The following ATF7IP variants were observed in gnomAD, a reference collection of about 807,000 sequenced individuals.
ATF7IP encodes the protein activating transcription factor 7-interacting protein 1.
ATF7IP carries 23 observed loss-of-function variants against 106.4 expected under a neutral mutation model. The ratio of observed to expected loss-of-function variants is 0.22; its 90% CI spans 0.16 to 0.31. The LOEUF (loss-of-function observed/expected upper bound fraction) is 0.31. ATF7IP is among the 10% of genes least tolerant of loss of function. ATF7IP has a pLI of 1.00. For synonymous variants in ATF7IP, 542 were observed against 539.0 expected, an observed-to-expected ratio of 1.01 and a Z score of -0.08; for missense variants, 1,334 against 1,524.3, an observed-to-expected ratio of 0.88 and a Z score of 2.08.
chr12:14,389,658 G>T (rs995797147), intron 1 of ATF7IP, among the ~76,000 whole-genome samples: 2 of 151,938 alleles, frequency 1.3e-5, no homozygotes, highest in Non-Finnish European at 2.9e-5. Flanking sequence ...ACGGAGTTTC[G>T]CTCTTGTTGC....
At chr12:14,391,776 C>T (rs762928994) in intron 1 of ATF7IP, among the ~76,000 whole-genome samples, 1 of 152,202 alleles carries the variant, frequency 6.6e-6, no homozygotes, top group Non-Finnish European at 1.5e-5. Context: ...AGCTGGAGTG[C>T]AATGGTGCTA....
chr12:14,424,401 C>T lies in ATF7IP; in HGVS notation c.486C>T (p.Ser162=), dbSNP rs775829768. 8 of 1,612,362 alleles carry T rather than the reference C, an allele frequency of 5.0e-6. No homozygotes were observed. Among genetic ancestry groups the T allele is most frequent in the East Asian group, 4.5e-5 (2 of 44,754 alleles). The change falls in exon 2 of 15, where the codon AGC becomes AGT. Residue 162 remains serine (S), a synonymous_variant. Transcript: ENST00000261168. ...GDSTSGDPTS[S]EPSSSDAASG... ...CCACCTCTGGTGATCCCACCTCTAG[C>T]GAGCCCTCCTCTAGTGATGCTGCCT...
intron 1 of ATF7IP, among the ~76,000 whole-genome samples, chr12:14,374,713 G>A (rs534287544): frequency 1.2e-4 from 19 of 152,072 alleles, no homozygotes; most frequent in Non-Finnish European, 2.2e-4. Flanking sequence ...GGAAGGTAGT[G>A]TGTTAGGAGA....
rs55747860 is a variant in ATF7IP, at chr12:14,420,634, G to GA, written c.-7-3265dup. Among the ~76,000 whole-genome samples, 340 of 150,544 alleles carry GA rather than the reference G, an allele frequency of 2.3e-3. No homozygotes were observed. In the Middle Eastern group the frequency reaches 0.024, roughly 11 times the overall value. ...ACAGAGCGAGACTCCGTCTCAAAAA[G>GA]AAAAAAAAAATAAAGAAATAGCCAT... On this transcript the variant is annotated intron_variant, in intron 1 of 14. Coordinates refer to ENST00000261168, the MANE Select transcript of ATF7IP (RefSeq NM_018179.5).
intron 1 of ATF7IP, 83 bp downstream of exon 1, chr12:14,365,910 G>C (rs1938264316): frequency 6.6e-6 from 1 of 152,362 alleles, no homozygotes; most frequent in South Asian, 2.0e-4. Flanking sequence ...CCGCATTATG[G>C]CGGCTGCGGG....
At chr12:14,379,400 C>A (rs533842373) in intron 1 of ATF7IP, among the ~76,000 whole-genome samples, 1 of 152,216 alleles carries the variant, frequency 6.6e-6, no homozygotes, top group Non-Finnish European at 1.5e-5. Flanking sequence ...TAATAAATTA[C>A]CCATTTTCAA....
chr12:14,386,174 G>A (rs1292597660), intron 1 of ATF7IP, among the ~76,000 whole-genome samples: 1 of 152,000 alleles, frequency 6.6e-6, no homozygotes, highest in Non-Finnish European at 1.5e-5. Context: ...ATTCAAACCT[G>A]TAGTATATTT....
At chr12:14,448,111 T>C (rs952789500) in intron 6 of ATF7IP, among the ~76,000 whole-genome samples, 22 of 152,300 alleles carry the variant, frequency 1.4e-4, no homozygotes, top group Admixed American at 5.9e-4. Flanking sequence ...TTCTTCATCT[T>C]GATAGTTCCA....
At chr12:14,464,636 A>G (rs1398141814) in intron 9 of ATF7IP, among the ~76,000 whole-genome samples, 2 of 152,210 alleles carry the variant, frequency 1.3e-5, no homozygotes, top group African/African-American at 4.8e-5. Context: ...AAGTCATCCA[A>G]GGTAGATCTT....
intron 1 of ATF7IP, among the ~76,000 whole-genome samples, chr12:14,383,720 G>A (rs973098612): frequency 3.9e-5 from 6 of 152,002 alleles, no homozygotes; most frequent in African/African-American, 1.4e-4. Context: ...ACCTGCTAAT[G>A]TTTTAAAAAT....
At chr12:14,495,344 A>G (rs1439687519) in intron 13 of ATF7IP, among the ~76,000 whole-genome samples, 4 of 152,244 alleles carry the variant, frequency 2.6e-5, no homozygotes, top group African/African-American at 9.6e-5. Context: ...AGCAAGGGAA[A>G]ATATAGCTAT....
At chr12:14,481,551 CA>C (rs1565549607) in intron 13 of ATF7IP, 1 of 389,940 alleles carries the variant, frequency 2.6e-6, no homozygotes, top group Admixed American at 3.7e-5. Flanking sequence ...AAATAGTTTT[CA>C]AAAAAGAAAT....
chr12:14,385,231 T>C, intron 1 of ATF7IP: 1 of 560,822 alleles, frequency 1.8e-6, no homozygotes. Flanking sequence ...GTTACATAGC[T>C]GAGTTTTCAC....
rs1267625887 is a variant in ATF7IP at position 14,449,742 on chromosome 12, A to G, written c.1995+2689A>G. Among the ~76,000 whole-genome samples the G allele has an allele frequency of 1.3e-5, 2 of 151,606 alleles. 1 individual carries two copies. The highest frequency in any genetic ancestry group is 3.9e-4 in the East Asian group (2 of 5,190). Reference sequence around the variant, plus strand: ...AAAAAAAAAACAAACCCACTATTGCAATATTGATAGGGATTGCATTGAATC... The same window carrying G: ...AAAAAAAAAACAAACCCACTATTGCGATATTGATAGGGATTGCATTGAATC... On this transcript the variant is annotated intron_variant, in intron 6 of 14. Coordinates refer to ENST00000261168, the MANE Select transcript of ATF7IP (RefSeq NM_018179.5).
intron 6 of ATF7IP, among the ~76,000 whole-genome samples, chr12:14,450,293 A>G (rs1016559469): frequency 1.9e-4 from 29 of 152,190 alleles, no homozygotes; most frequent in Non-Finnish European, 7.4e-5. Context: ...TATGATGTTA[A>G]CCATGGAGTT....
At chr12:14,479,442 T>C (rs185881371) in intron 12 of ATF7IP, among the ~76,000 whole-genome samples, 17 of 152,274 alleles carry the variant, frequency 1.1e-4, no homozygotes, top group African/African-American at 4.1e-4. Flanking sequence ...AGCAGTCCAT[T>C]GCTTGAAGAT....
At chr12:14,494,522 A>T (rs1944948027) in intron 13 of ATF7IP, among the ~76,000 whole-genome samples, 1 of 147,024 alleles carries the variant, frequency 6.8e-6, no homozygotes, top group Non-Finnish European at 1.5e-5. Context: ...CCTACTATAT[A>T]TATACAGTAT....
At chr12:14,392,103 GT>G (rs1197508435) in intron 1 of ATF7IP, among the ~76,000 whole-genome samples, 1 of 152,142 alleles carries the variant, frequency 6.6e-6, no homozygotes, top group Non-Finnish European at 1.5e-5. Context: ...TGGGAATAAT[GT>G]TTATCATAAA....
At chr12:14,488,053 C>G (rs951004772) in intron 13 of ATF7IP, among the ~76,000 whole-genome samples, 1 of 151,968 alleles carries the variant, frequency 6.6e-6, no homozygotes, top group Non-Finnish European at 1.5e-5. Flanking sequence ...TGGGTCTAAT[C>G]ATATTAAGCA....
Sources: gnomAD v4.1 joint callset for allele counts (sites outside exome capture counted in the v4.1 genomes callset) on GRCh38, gnomAD v4.1.1 for gene constraint, MANE v1.5 for transcripts, NCBI Gene and HGNC (gene_info 2026-07-23, HGNC 2026-07-21) for gene names.